DLGAP1: variants seen among roughly 807,000 people sequenced by gnomAD.
DLGAP1 encodes the protein DLG associated protein 1, also known as disks large-associated protein 1.
DLGAP1 carries 11 observed loss-of-function variants against 90.8 expected under a neutral mutation model. The observed-to-expected ratio is 0.12, with a 90% CI of 0.08 to 0.20. DLGAP1 has a LOEUF of 0.20. DLGAP1 is among the 10% of genes least tolerant of loss of function. The pLI, the probability that DLGAP1 is intolerant of heterozygous loss-of-function variation, is 1.00. For missense variants in DLGAP1, 1,050 were observed against 1,333.8 expected, an observed-to-expected ratio of 0.79 and a Z score of 3.31; for synonymous variants, 558 against 540.7, an observed-to-expected ratio of 1.03 and a Z score of -0.44.
intron 4 of DLGAP1, among the ~76,000 whole-genome samples, chr18:3,860,318 T>C (rs368485883): frequency 2.0e-5 from 3 of 152,224 alleles, no homozygotes; most frequent in Admixed American, 6.5e-5. Context: ...TTTTCAGGCA[T>C]AATAATAATA....
chr18:3,734,712 A>AT (rs1037710299), intron 6 of DLGAP1, among the ~76,000 whole-genome samples: 1 of 151,778 alleles, frequency 6.6e-6, no homozygotes, highest in Non-Finnish European at 1.5e-5. Context: ...TGGCTTTTGT[A>AT]TTTTTTTCTC....
chr18:4,415,156 T>C (rs1318719723), intron 1 of DLGAP1, among the ~76,000 whole-genome samples: 1 of 152,136 alleles, frequency 6.6e-6, no homozygotes, highest in Non-Finnish European at 1.5e-5. Context: ...TTTCTCATAC[T>C]CTATAAACCT....
At chr18:3,687,635 T>C (rs2060746453) in intron 7 of DLGAP1, among the ~76,000 whole-genome samples, 1 of 152,270 alleles carries the variant, frequency 6.6e-6, no homozygotes, top group East Asian at 1.9e-4. Context: ...GTCATCACAA[T>C]GGAAAAGTAC....
chr18:3,592,327 T>C (rs553287968), intron 7 of DLGAP1, among the ~76,000 whole-genome samples: 88 of 152,324 alleles, frequency 5.8e-4, no homozygotes, highest in African/African-American at 2.1e-3. Context: ...GGGCTCCTGC[T>C]CCTTGCGGTG....
At chr18:3,965,687 T>C (rs2073311111) in intron 3 of DLGAP1, among the ~76,000 whole-genome samples, 1 of 152,026 alleles carries the variant, frequency 6.6e-6, no homozygotes, top group Admixed American at 6.6e-5. Context: ...GTGACTCACA[T>C]CTGTAATCCC....
At chr18:4,404,992 G>A (rs965581278) in intron 1 of DLGAP1, among the ~76,000 whole-genome samples, 4 of 152,148 alleles carry the variant, frequency 2.6e-5, no homozygotes, top group Admixed American at 6.5e-5. Context: ...GAGAATAATC[G>A]TGGTAGAGAA....
intron 1 of DLGAP1, chr18:4,293,561 CTG>C (rs2143090723): frequency 6.6e-6 from 1 of 152,282 alleles, no homozygotes; most frequent in South Asian, 2.1e-4. Flanking sequence ...GTTCTTGAGA[CTG>C]TATGTCCTTA....
chr18:4,056,139 TGGGGAA>T lies in DLGAP1; in HGVS notation c.-158-50944_-158-50939del, dbSNP rs1410556894. 8.5e-5 allele frequency among the ~76,000 whole-genome samples: 13 copies of T among 152,130 alleles called. No homozygotes were observed. The East Asian group carries it at 2.3e-3, about 27-fold the overall frequency. On this transcript the variant is annotated intron_variant, in intron 2 of 12. Transcript: ENST00000315677. ...TGAGGTGAGAGAGGCAGGTTATCTA[TGGGGAA>T]GGGGGCAGGAGAAGGCCGTGGAGCC...
intron 7 of DLGAP1, among the ~76,000 whole-genome samples, chr18:3,625,478 A>G (rs2058258339): frequency 6.6e-6 from 1 of 152,234 alleles, no homozygotes; most frequent in African/African-American, 2.4e-5. Context: ...GAAGCAAATT[A>G]GCAAATTATT....
At chr18:3,777,731 G>A (rs1333401384) in intron 5 of DLGAP1, among the ~76,000 whole-genome samples, 1 of 152,132 alleles carries the variant, frequency 6.6e-6, no homozygotes, top group Non-Finnish European at 1.5e-5. Flanking sequence ...ATAAATTTGG[G>A]TCAGCAAGAC....
At chr18:3,756,239 C>T (rs566986089) in intron 5 of DLGAP1, among the ~76,000 whole-genome samples, 33 of 151,974 alleles carry the variant, frequency 2.2e-4, no homozygotes, top group South Asian at 8.3e-4. Flanking sequence ...TTAGTAGAGA[C>T]GGGGTTTCGC....
intron 1 of DLGAP1, among the ~76,000 whole-genome samples, chr18:4,444,327 C>G (rs2083609434): frequency 6.6e-6 from 1 of 152,198 alleles, no homozygotes; most frequent in Non-Finnish European, 1.5e-5. Flanking sequence ...TGAATTGTTT[C>G]ATGAGAATAT....
chr18:3,546,414 C>CA (rs58897010), intron 9 of DLGAP1, among the ~76,000 whole-genome samples: 1,993 of 122,326 alleles, frequency 0.016, 37 homozygotes, highest in African/African-American at 0.057. Flanking sequence ...AACCTTGTCT[C>CA]AAAAAAAAAA....
chr18:4,283,062 G>C (rs1474783810), intron 1 of DLGAP1, among the ~76,000 whole-genome samples: 2 of 152,196 alleles, frequency 1.3e-5, no homozygotes, highest in Non-Finnish European at 2.9e-5. Context: ...ATAAGAAGTA[G>C]ATTGCAGGCT....
At chr18:4,202,951 C>T (rs1343892693) in intron 1 of DLGAP1, among the ~76,000 whole-genome samples, 1 of 152,138 alleles carries the variant, frequency 6.6e-6, no homozygotes, top group South Asian at 2.1e-4. Flanking sequence ...GATTTTCTCT[C>T]TGAATTAGTC....
At chr18:4,346,035 A>G (rs2081297391) in intron 1 of DLGAP1, among the ~76,000 whole-genome samples, 1 of 152,184 alleles carries the variant, frequency 6.6e-6, no homozygotes, top group South Asian at 2.1e-4. Flanking sequence ...GGGACTCAAG[A>G]GCACCACTCA....
chr18:3,660,979 C>T lies in DLGAP1; in HGVS notation c.1591+68156G>A, dbSNP rs2059661511. Among the ~76,000 whole-genome samples the T allele has an allele frequency of 6.6e-6, 1 of 152,208 alleles. No homozygotes were observed. The highest frequency in any genetic ancestry group is 2.1e-4 in the South Asian group (1 of 4,836). ...AGAGGAACTAAAAAAGAACTTCAGC[C>T]TTTAATATCCTTTTTCTAAGTTATT... On this transcript the variant is annotated intron_variant, in intron 7 of 12. Coordinates refer to ENST00000315677, the MANE Select transcript of DLGAP1 (RefSeq NM_004746.4). The surrounding 1 kb of genome is among the most constrained non-coding windows in gnomAD (Gnocchi z 4.2).
intron 1 of DLGAP1, among the ~76,000 whole-genome samples, chr18:4,260,720 A>G (rs191509584): frequency 3.9e-4 from 60 of 152,360 alleles, no homozygotes; most frequent in Admixed American, 6.5e-5. Context: ...AGACATGCCT[A>G]TCAAATAGGT....
At chr18:3,641,572 T>TGC (rs1555612132) in intron 7 of DLGAP1, among the ~76,000 whole-genome samples, 48 of 133,270 alleles carry the variant, frequency 3.6e-4, no homozygotes, top group African/African-American at 1.5e-3. Flanking sequence ...TAAGACAATG[T>TGC]ACACATATAT....
Sources: gnomAD v4.1 joint callset for allele counts (sites outside exome capture counted in the v4.1 genomes callset) on GRCh38, gnomAD v4.1.1 for gene constraint, Gnocchi (gnomAD v3.1) non-coding constraint, MANE v1.5 for transcripts, NCBI Gene and HGNC (gene_info 2026-07-23, HGNC 2026-07-21) for gene names.